Variants in FAM149A observed in about 807,000 individuals in gnomAD.
FAM149A encodes protein FAM149A.
A neutral mutation model predicts 78.2 loss-of-function variants in FAM149A; 71 were observed. The observed-to-expected ratio is 0.91, with a 90% CI of 0.75 to 1.11. The LOEUF is 1.11. FAM149A is among the 50% of genes least tolerant of loss of function. FAM149A has a pLI of 0.00. For synonymous variants in FAM149A, 446 were observed against 410.5 expected (o/e 1.09, Z -1.04); for missense variants, 1,036 against 971.0 (o/e 1.07, Z -0.89).
chr4:186,156,245 C>T (rs2126489850), intron 7 of FAM149A, 55 bp downstream of exon 7: 1 of 1,454,268 alleles, frequency 6.9e-7, no homozygotes, highest in South Asian at 1.3e-5. Flanking sequence ...GTTCTTCGGC[C>T]CTGGGCTCCT....
chr4:186,157,410 A>G (rs559841601), intron 7 of FAM149A, among the ~76,000 whole-genome samples, 155 bp from the exon 8 acceptor site: 9 of 152,066 alleles, frequency 5.9e-5, no homozygotes, highest in Admixed American at 1.3e-4. Flanking sequence ...CAGTTGCTCC[A>G]CAGGGGTCTC....
At chr4:186,163,281 G>C (rs866752036) in intron 9 of FAM149A, 143 bp from the exon 10 acceptor site, 17 of 649,398 alleles carry the variant, frequency 2.6e-5, no homozygotes, top group Middle Eastern at 4.1e-4. Context: ...GAAATGATGG[G>C]TCTTTTCATT....
At chr4:186,141,666 A>G (rs1177999224) in intron 1 of FAM149A, among the ~76,000 whole-genome samples, 1 of 152,244 alleles carries the variant, frequency 6.6e-6, no homozygotes. Context: ...AACTTTGACC[A>G]TCACAGTCTC....
intron 8 of FAM149A, among the ~76,000 whole-genome samples, chr4:186,161,905 A>G (rs1734636083): frequency 6.6e-6 from 1 of 152,126 alleles, no homozygotes. Context: ...GTTATTTGAA[A>G]AAATTTTTAA....
At chr4:186,111,686 G>C (rs2099311361) in intron 1 of FAM149A, among the ~76,000 whole-genome samples, 1 of 150,980 alleles carries the variant, frequency 6.6e-6, no homozygotes. Context: ...TCTCAGGTTT[G>C]TCAAAGATCA....
chr4:186,129,998 A>G (rs1561392658), intron 1 of FAM149A: 1 of 152,080 alleles, frequency 6.6e-6, no homozygotes, highest in Non-Finnish European at 1.5e-5. Context: ...CACCAATAAC[A>G]TCGTTTCAAA....
chr4:186,136,658 C>CT (rs1241947644), intron 1 of FAM149A, among the ~76,000 whole-genome samples: 5 of 151,888 alleles, frequency 3.3e-5, no homozygotes, highest in Non-Finnish European at 7.4e-5. Context: ...ATTTTTCATC[C>CT]TTTTTTGGAT....
At chr4:186,168,616 A>T (rs979619494) in intron 13 of FAM149A, among the ~76,000 whole-genome samples, 1 of 152,172 alleles carries the variant, frequency 6.6e-6, no homozygotes, top group Non-Finnish European at 1.5e-5. Flanking sequence ...TTGGCCTCCC[A>T]AAGTGCTGGG....
At chr4:186,157,440 T>C (rs1734127704) in intron 7 of FAM149A, 125 bp from the exon 8 acceptor site, 11 of 931,018 alleles carry the variant, frequency 1.2e-5, no homozygotes, top group Non-Finnish European at 1.8e-5. Flanking sequence ...TGGTAACATG[T>C]GGAGTGGCCG....
Position 186,165,511 on chromosome 4 carries a change from T to C in FAM149A, c.2010+47T>C, listed in dbSNP as rs141818968. ...TTCAGTGGACCATTTAGGTTCTGTA[T>C]TGGAAAACAAACAAAAACAACCTTG... On this transcript the variant is annotated intron_variant, in intron 11 of 13. Transcript: ENST00000389354. 68 of 1,600,226 alleles carry C rather than the reference T, an allele frequency of 4.2e-5. No individual in the cohort carries two copies. The East Asian group carries it at 1.5e-3, about 36-fold the overall frequency.
chr4:186,153,343 G>T (rs976836199), intron 4 of FAM149A: 1 of 936,516 alleles, frequency 1.1e-6, no homozygotes, highest in South Asian at 4.9e-5. Context: ...ACCTGAGTCT[G>T]TCATATATGA....
In FAM149A at chr4:186,149,677, G is replaced by C; in HGVS notation, c.762G>C (p.Arg254Ser). The C allele has an allele frequency of 7.8e-7, 1 of 1,288,880 alleles. No homozygotes were observed. Among genetic ancestry groups the C allele is most frequent in the Non-Finnish European group, 1.0e-6 (1 of 988,530 alleles). 79.8% of individuals were successfully genotyped at this position (1,288,880 alleles called of 1,614,324 possible). Reference sequence around the variant, plus strand: ...CTACCACCGGCTCATCCACGGAGAGGGGCTCCGTTTATTCCTGGAGAGATG... The same window carrying C: ...CTACCACCGGCTCATCCACGGAGAGCGGCTCCGTTTATTCCTGGAGAGATG... Residue 254 changes from arginine (R) to serine (S), a missense_variant, in exon 3 of 14, where the codon AGG becomes AGC. Arg to Ser is a moderately radical substitution (Grantham distance 110). Coordinates refer to ENST00000389354, the MANE Select transcript of FAM149A (RefSeq NM_001367768.3).
chr4:186,133,633 C>T (rs2099321683), intron 1 of FAM149A, among the ~76,000 whole-genome samples: 1 of 152,112 alleles, frequency 6.6e-6, no homozygotes, highest in African/African-American at 2.4e-5. Context: ...GGTTGCTTCC[C>T]TCTTCAGCTG....
intron 1 of FAM149A, chr4:186,127,852 A>AT (rs113879404): frequency 0.34 from 60,868 of 179,108 alleles, 11,042 homozygotes; most frequent in Admixed American, 0.38. Context: ...TTCCCAGCTA[A>AT]TTTTTTTGTA....
At chr4:186,151,122 T>A in intron 3 of FAM149A, 1 of 913,922 alleles carries the variant, frequency 1.1e-6, no homozygotes, top group African/African-American at 1.8e-5. Flanking sequence ...ACCGAGGGGG[T>A]CTGAAAGGGA....
At chr4:186,152,776 A>C (rs1416667465) in intron 4 of FAM149A, among the ~76,000 whole-genome samples, 3 of 150,282 alleles carry the variant, frequency 2.0e-5, no homozygotes, top group Non-Finnish European at 4.4e-5. Context: ...GATCTCCTGA[A>C]CTCGTGATCC....
chr4:186,154,322 G>A, intron 5 of FAM149A, 146 bp from the exon 6 acceptor site: 1 of 594,360 alleles, frequency 1.7e-6, no homozygotes, highest in Non-Finnish European at 2.8e-6. Context: ...TTAAGGACGT[G>A]AGTTTTGTCC....
At chr4:186,120,751 G>A (rs1283720164) in intron 1 of FAM149A, among the ~76,000 whole-genome samples, 2 of 122,794 alleles carry the variant, frequency 1.6e-5, no homozygotes, top group East Asian at 2.7e-4. Context: ...CCAAGATTGC[G>A]CCACTGCACT....
intron 1 of FAM149A, among the ~76,000 whole-genome samples, chr4:186,110,792 C>G (rs1430723846): frequency 6.7e-6 from 1 of 149,174 alleles, no homozygotes; most frequent in African/African-American, 2.5e-5. Flanking sequence ...TCCAGTCTAT[C>G]ATTGTTGGAC....
Sources: gnomAD v4.1 joint callset for allele counts (sites outside exome capture counted in the v4.1 genomes callset) on GRCh38, gnomAD v4.1.1 for gene constraint, MANE v1.5 for transcripts, NCBI Gene and HGNC (gene_info 2026-07-23, HGNC 2026-07-21) for gene names.